ARHGAP26: variants seen among roughly 807,000 people sequenced by gnomAD.
The protein encoded by ARHGAP26 is rho GTPase-activating protein 26.
Under a neutral mutation model 104.8 loss-of-function variants are expected in ARHGAP26, and 38 were observed. The ratio of observed to expected loss-of-function variants is 0.36; its 90% CI spans 0.28 to 0.48. ARHGAP26 has a LOEUF of 0.48. ARHGAP26 is among the 20% of genes least tolerant of loss of function. ARHGAP26 has a pLI of 0.99. For missense variants in ARHGAP26, 704 were observed against 947.9 expected (o/e 0.74, Z 3.38); for synonymous variants, 341 against 340.0 (o/e 1.00, Z -0.03).
rs200282524 is a variant in ARHGAP26, at chr5:142,964,543, A to AACAC, written c.1107+32444_1107+32447dup. ...TTATGCCTTGCTTTTCTCTGTTTAA[A>AACAC]ACACACACACACACACACACACACA... is the stretch of plus-strand genomic sequence containing the variant. On this transcript the variant is annotated intron_variant, in intron 11 of 22. Transcript: ENST00000645722. 4.7e-3 allele frequency among the ~76,000 whole-genome samples: 349 copies of AACAC among 74,738 alleles called. 2 individuals carry two copies. The highest frequency in any genetic ancestry group is 0.012 in the African/African-American group (264 of 21,626). The allele number at this position is 74,738 out of a possible 152,430, so 49.0% of individuals were successfully genotyped here. A position where few individuals can be genotyped will look rare whatever the true frequency, so the allele number is the denominator to read the frequency against.
chr5:143,057,766 A>G lies in ARHGAP26; in HGVS notation c.1538+19A>G. On this transcript the variant is annotated intron_variant, in intron 17 of 22. Transcript: ENST00000645722. ...TGGCAAAGTAGGTTTAAGACCAATT[A>G]CTAGCCTTTTTCTTACCCCTGAAAG... 1.3e-6 allele frequency: 2 copies of G among 1,597,774 alleles called. No homozygotes were observed. Among genetic ancestry groups the G allele is most frequent in the Non-Finnish European group, 1.7e-6 (2 of 1,165,486 alleles).
At position 143,183,050 on chromosome 5, in the gene ARHGAP26, T is replaced by C. The variant is rs192656361; in HGVS notation, c.1989-24148T>C. 1.8e-4 allele frequency among the ~76,000 whole-genome samples: 25 copies of C among 137,894 alleles called. No individual in the cohort carries two copies. The East Asian group carries it at 5.1e-3, about 28-fold the overall frequency. The allele number at this position is 137,894 out of a possible 152,430, so 90.5% of individuals were successfully genotyped here. A position where few individuals can be genotyped will look rare whatever the true frequency, so the allele number is the denominator to read the frequency against. On this transcript the variant is annotated intron_variant, in intron 20 of 22. Coordinates refer to ENST00000645722, the MANE Select transcript of ARHGAP26 (RefSeq NM_001135608.3). ...TTTGGTTTTAGGGTTATTCTCCTTATGCCTCATGCAAATGAAAAGTGGCAA... is the reference window on the plus strand; with the variant it reads ...TTTGGTTTTAGGGTTATTCTCCTTACGCCTCATGCAAATGAAAAGTGGCAA...
At chr5:142,916,461 GAC>G (rs1562074460) in intron 10 of ARHGAP26, among the ~76,000 whole-genome samples, 8 of 152,156 alleles carry the variant, frequency 5.3e-5, no homozygotes, top group Non-Finnish European at 8.8e-5. Flanking sequence ...GACTTTCTGG[GAC>G]TGAGACCCTG....
chr5:143,072,503 A>G (rs985451225), intron 17 of ARHGAP26, among the ~76,000 whole-genome samples: 1 of 152,240 alleles, frequency 6.6e-6, no homozygotes, highest in Admixed American at 6.5e-5. Flanking sequence ...GTACCAACCT[A>G]TGTGTCCAGC....
intron 14 of ARHGAP26, among the ~76,000 whole-genome samples, chr5:143,046,772 T>G (rs1466295157): frequency 2.0e-5 from 3 of 152,232 alleles, no homozygotes; most frequent in African/African-American, 2.4e-5. Flanking sequence ...TTCCTGTCTC[T>G]CCGTACATAT....
chr5:142,988,615 C>T (rs1029890108), intron 11 of ARHGAP26, among the ~76,000 whole-genome samples: 9 of 152,154 alleles, frequency 5.9e-5, no homozygotes, highest in African/African-American at 1.2e-4. Flanking sequence ...CCTTCTTTCT[C>T]TTGTGGGCGT....
chr5:142,961,177 A>G (rs554387216), intron 11 of ARHGAP26, among the ~76,000 whole-genome samples: 1 of 152,262 alleles, frequency 6.6e-6, no homozygotes, highest in African/African-American at 2.4e-5. Flanking sequence ...GTAGAAAGCC[A>G]TTGTTTGTTG....
At chr5:143,127,988 A>G (rs1796907116) in intron 18 of ARHGAP26, among the ~76,000 whole-genome samples, 1 of 151,902 alleles carries the variant, frequency 6.6e-6, no homozygotes, top group South Asian at 2.1e-4. Context: ...TTTATTTTTA[A>G]ATTTTTTGTT....
At chr5:142,829,935 T>C (rs1768060023) in intron 1 of ARHGAP26, among the ~76,000 whole-genome samples, 1 of 152,182 alleles carries the variant, frequency 6.6e-6, no homozygotes. Flanking sequence ...GAGGTTAGGT[T>C]TAAGCTCAGG....
chr5:142,860,239 C>G (rs1269550944), intron 1 of ARHGAP26: 1 of 152,136 alleles, frequency 6.6e-6, no homozygotes, highest in Non-Finnish European at 1.5e-5. Flanking sequence ...CCAAGCAGGC[C>G]CTTCTGAGCA....
intron 11 of ARHGAP26, among the ~76,000 whole-genome samples, chr5:142,950,523 A>G (rs945162662): frequency 2.0e-5 from 3 of 152,052 alleles, no homozygotes; most frequent in Non-Finnish European, 4.4e-5. Context: ...TTCCTGGTTC[A>G]CACAAGAAAT....
chr5:143,057,562 T>C, intron 16 of ARHGAP26, 80 bp from the exon 17 acceptor site: 1 of 1,158,316 alleles, frequency 8.6e-7, no homozygotes, highest in Non-Finnish European at 1.3e-6. Context: ...TGCTCATCCT[T>C]TGGTTTCCCT....
At chr5:142,978,023 A>G (rs1298094486) in intron 11 of ARHGAP26, among the ~76,000 whole-genome samples, 4 of 152,234 alleles carry the variant, frequency 2.6e-5, no homozygotes, top group Non-Finnish European at 5.9e-5. Context: ...GACTCCTCTG[A>G]CTTATTTTCA....
intron 20 of ARHGAP26, among the ~76,000 whole-genome samples, chr5:143,176,757 G>A (rs570333328): frequency 2.6e-5 from 4 of 152,050 alleles, no homozygotes; most frequent in Non-Finnish European, 5.9e-5. Context: ...GTCTACATTT[G>A]GCATTGAAAC....
chr5:143,086,952 G>T (rs781695467), intron 17 of ARHGAP26, among the ~76,000 whole-genome samples: 2 of 152,086 alleles, frequency 1.3e-5, no homozygotes, highest in African/African-American at 4.8e-5. Context: ...TATTGATATC[G>T]CCCATTTGGT....
chr5:143,207,310 T>G lies in ARHGAP26; in HGVS notation c.2099+2T>G. The G allele has an allele frequency of 1.2e-6, 2 of 1,614,142 alleles. No individual in the cohort carries two copies. The highest frequency in any genetic ancestry group is 1.7e-6 in the Non-Finnish European group (2 of 1,180,024). ...GTCCAGCGACTCATCCCCCGTCAGGTCTGTTGCAGGGTTTGTTTGGTTTTC... is the reference window on the plus strand; with the variant it reads ...GTCCAGCGACTCATCCCCCGTCAGGGCTGTTGCAGGGTTTGTTTGGTTTTC... On this transcript the variant is annotated splice_donor_variant, in intron 21 of 22. Transcript: ENST00000645722. LOFTEE classifies it high-confidence loss of function.
At chr5:142,958,734 A>G (rs1769662247) in intron 11 of ARHGAP26, among the ~76,000 whole-genome samples, 1 of 152,004 alleles carries the variant, frequency 6.6e-6, no homozygotes, top group Non-Finnish European at 1.5e-5. Flanking sequence ...ACCTTGAGAT[A>G]CAGGTATGCT....
chr5:142,986,508 A>G (rs1480188442), intron 11 of ARHGAP26, among the ~76,000 whole-genome samples: 10 of 151,604 alleles, frequency 6.6e-5, no homozygotes, highest in Admixed American at 5.9e-4. Context: ...AAGCTCTTTA[A>G]TTAGATCCCA....
chr5:143,077,808 C>G (rs964464780), intron 17 of ARHGAP26, among the ~76,000 whole-genome samples: 1 of 152,182 alleles, frequency 6.6e-6, no homozygotes, highest in Non-Finnish European at 1.5e-5. Flanking sequence ...CATAGCTATT[C>G]GGACCACCTA....
Sources: gnomAD v4.1 joint callset for allele counts (sites outside exome capture counted in the v4.1 genomes callset) on GRCh38, gnomAD v4.1.1 for gene constraint, MANE v1.5 for transcripts, NCBI Gene and HGNC (gene_info 2026-07-23, HGNC 2026-07-21) for gene names.